RAB33A: variants seen among roughly 807,000 people sequenced by gnomAD.
RAB33A encodes ras-related protein Rab-33A.
Under a neutral mutation model 12.0 loss-of-function variants are expected in RAB33A, and 6 were observed. The observed-to-expected ratio is 0.50, with a 90% CI of 0.27 to 0.99. RAB33A has a LOEUF of 0.99. Among genes scored for constraint, RAB33A ranks in the 50% least tolerant of loss-of-function variants. RAB33A has a pLI of 0.11. For synonymous variants in RAB33A, 70 were observed against 82.4 expected (o/e 0.85, Z 0.81); for missense variants, 109 against 192.0 (o/e 0.57, Z 2.55).
At chrX:130,122,367 C>T in the RAB33A span, among the ~76,000 whole-genome samples, 13 of 112,817 alleles carry the variant, frequency 1.2e-4, no homozygotes, top group African/African-American at 4.2e-4. Flanking sequence ...GGGCATAGTC[C>T]GTAAGCATCC....
upstream of RAB33A, among the ~76,000 whole-genome samples, chrX:130,168,390 T>G (rs1239551909): frequency 9.2e-6 from 1 of 108,870 alleles, no homozygotes; most frequent in Non-Finnish European, 1.9e-5. Flanking sequence ...AATTTTTCTA[T>G]TTTTAGTAGA....
At chrX:130,133,420 C>T in the RAB33A span, 2 of 1,210,603 alleles carry the variant, frequency 1.7e-6, no homozygotes, top group Non-Finnish European at 2.2e-6. Context: ...GCCTCCTTCC[C>T]AACTTTATAT....
the RAB33A span, among the ~76,000 whole-genome samples, chrX:130,150,429 G>A: frequency 4.4e-5 from 4 of 90,960 alleles, 1 homozygote; most frequent in African/African-American, 8.2e-5. Flanking sequence ...TCTGCCTCCC[G>A]GGTTCACGCC....
the RAB33A span, among the ~76,000 whole-genome samples, chrX:130,112,878 A>T: frequency 9.2e-5 from 10 of 109,243 alleles, no homozygotes; most frequent in African/African-American, 1.7e-4. Flanking sequence ...AAAAATAAAT[A>T]AATTAAATAA....
chrX:130,156,000 C>T, the RAB33A span, among the ~76,000 whole-genome samples: 12 of 111,850 alleles, frequency 1.1e-4, no homozygotes, highest in East Asian at 3.1e-3. Context: ...GATAGCTTTC[C>T]TTTTAGGAAC....
At chrX:130,148,131 C>G in the RAB33A span, among the ~76,000 whole-genome samples, 22 of 112,122 alleles carry the variant, frequency 2.0e-4, no homozygotes, top group African/African-American at 6.5e-4. Flanking sequence ...TGAACTGGTA[C>G]TAGGACATAG....
At chrX:130,126,734 A>C in the RAB33A span, among the ~76,000 whole-genome samples, 2 of 112,378 alleles carry the variant, frequency 1.8e-5, no homozygotes, top group African/African-American at 6.5e-5. Flanking sequence ...GGACTTGCTC[A>C]GCACTTCACC....
intron 1 of RAB33A, among the ~76,000 whole-genome samples, chrX:130,172,660 G>A (rs751676352): frequency 1.8e-5 from 2 of 111,781 alleles, no homozygotes; most frequent in Non-Finnish European, 3.8e-5. Context: ...GGCATCTGTG[G>A]GTCCTAGTCT....
the RAB33A span, chrX:130,165,779 C>G: frequency 2.0e-5 from 12 of 605,162 alleles, no homozygotes; most frequent in East Asian, 3.6e-4. Context: ...GCAGACTCCT[C>G]CTCCCAGCTC....
At chrX:130,150,996 GA>G in the RAB33A span, among the ~76,000 whole-genome samples, 1 of 62,936 alleles carries the variant, frequency 1.6e-5, no homozygotes, top group Non-Finnish European at 2.9e-5. Flanking sequence ...AAAAAAAAAA[GA>G]AAAGAAAAAC....
the RAB33A span, among the ~76,000 whole-genome samples, chrX:130,166,131 G>A: frequency 1.8e-5 from 2 of 111,743 alleles, no homozygotes; most frequent in Admixed American, 1.9e-4. Context: ...CCCCGGCATC[G>A]CACTTTGTTT....
At chrX:130,132,959 C>A in the RAB33A span, among the ~76,000 whole-genome samples, 2 of 110,867 alleles carry the variant, frequency 1.8e-5, no homozygotes, top group Non-Finnish European at 3.8e-5. Flanking sequence ...GTTGGTCAGG[C>A]TGGTCTCAAA....
the RAB33A span, among the ~76,000 whole-genome samples, chrX:130,146,742 C>A: frequency 9.0e-6 from 1 of 111,176 alleles, no homozygotes; most frequent in African/African-American, 3.3e-5. Flanking sequence ...AAAATTCTAA[C>A]ACAGGCTCTT....
chrX:130,139,944 A>C, the RAB33A span: 1 of 867,764 alleles, frequency 1.2e-6, no homozygotes, highest in Non-Finnish European at 1.7e-6. Flanking sequence ...CCTCCACCAC[A>C]CAAAGGTGGA....
chrX:130,178,484 C>T (rs2124686890), intron 1 of RAB33A, among the ~76,000 whole-genome samples: 1 of 107,417 alleles, frequency 9.3e-6, no homozygotes, highest in East Asian at 3.0e-4. Context: ...CAAAAATTAG[C>T]CGGGTGTGGT....
chrX:130,136,261 A>G, the RAB33A span: 6 of 1,105,683 alleles, frequency 5.4e-6, no homozygotes, highest in Non-Finnish European at 6.2e-6. Context: ...ATGGCCCTTC[A>G]TGCCATTAAG....
intron 1 of RAB33A, among the ~76,000 whole-genome samples, chrX:130,179,617 G>A (rs1378592017): frequency 1.9e-5 from 2 of 107,778 alleles, no homozygotes; most frequent in Non-Finnish European, 3.8e-5. Flanking sequence ...AGAGGTGGAA[G>A]AAATGAAAAT....
the RAB33A span, chrX:130,165,806 A>C: frequency 3.7e-6 from 2 of 544,673 alleles, no homozygotes; most frequent in Non-Finnish European, 6.5e-6. Flanking sequence ...GGCATTGGAC[A>C]GAGAAGCCGG....
At chrX:130,137,500 T>G in the RAB33A span, 4 of 1,167,425 alleles carry the variant, frequency 3.4e-6, no homozygotes, top group Non-Finnish European at 4.6e-6. Flanking sequence ...AGCATCCTCC[T>G]GAAAAGATGC....
Sources: gnomAD v4.1 joint callset for allele counts (sites outside exome capture counted in the v4.1 genomes callset) on GRCh38, gnomAD v4.1.1 for gene constraint, MANE v1.5 for transcripts, NCBI Gene and HGNC (gene_info 2026-07-23, HGNC 2026-07-21) for gene names.